Variants in MMD2 observed in about 807,000 individuals in gnomAD.
MMD2 encodes monocyte to macrophage differentiation factor 2.
Under a neutral mutation model 33.5 loss-of-function variants are expected in MMD2, and 30 were observed. The observed-to-expected ratio is 0.90, with a 90% CI of 0.67 to 1.22. The LOEUF is 1.22. Among genes scored for constraint, MMD2 ranks in the 50% most tolerant of loss-of-function variants. The pLI, the probability that MMD2 is intolerant of heterozygous loss-of-function variation, is 0.00. For synonymous variants in MMD2, 129 were observed against 123.0 expected (o/e 1.05, Z -0.32); for missense variants, 364 against 325.4 (o/e 1.12, Z -0.91).
intron 1 of MMD2, among the ~76,000 whole-genome samples, chr7:4,950,297 C>T (rs138249304): frequency 0.017 from 2,648 of 152,218 alleles, 84 homozygotes; most frequent in African/African-American, 0.06. Context: ...GGGGTTTCTC[C>T]ACGTTGGTCA....
At chr7:4,913,873 G>C (rs1404987652) in intron 4 of MMD2, among the ~76,000 whole-genome samples, 1 of 152,052 alleles carries the variant, frequency 6.6e-6, no homozygotes, top group African/African-American at 2.4e-5. Flanking sequence ...GTGTTAGCCA[G>C]GATGGTCTCG....
chr7:4,923,425 G>A (rs1785337398), intron 2 of MMD2, among the ~76,000 whole-genome samples: 1 of 152,048 alleles, frequency 6.6e-6, no homozygotes, highest in African/African-American at 2.4e-5. Context: ...TCTTTCCTCA[G>A]GAGTGTGCTG....
At chr7:4,924,361 A>G (rs1785368552) in intron 2 of MMD2, among the ~76,000 whole-genome samples, 1 of 152,220 alleles carries the variant, frequency 6.6e-6, no homozygotes, top group South Asian at 2.1e-4. Flanking sequence ...GGGGTCTAAC[A>G]GGTCAGGGCG....
Position 4,907,319 on chromosome 7 carries a change from C to G in MMD2, c.*77G>C, listed in dbSNP as rs374106098. On this transcript the variant is annotated 3_prime_UTR_variant, in exon 7 of 7. Coordinates refer to ENST00000401401, the MANE Select transcript of MMD2 (RefSeq NM_198403.4). Reference sequence around the variant, plus strand: ...CCAATAAAGGGAAGACAGGCCTTGGCGCTGTGCTCTGGGTTAACGTTCACA... The same window carrying G: ...CCAATAAAGGGAAGACAGGCCTTGGGGCTGTGCTCTGGGTTAACGTTCACA... The G allele has an allele frequency of 2.1e-6, 3 of 1,426,344 alleles. No individual in the cohort carries two copies. The highest frequency in any genetic ancestry group is 1.7e-5 in the Admixed American group (1 of 59,006). The allele number at this position is 1,426,344 out of a possible 1,614,324, so 88.4% of individuals were successfully genotyped here.
downstream of MMD2, among the ~76,000 whole-genome samples, chr7:4,904,254 C>T (rs184530140): frequency 3.9e-5 from 6 of 152,286 alleles, no homozygotes; most frequent in East Asian, 5.8e-4. Context: ...ACCACACACC[C>T]GGTGCGCAGC....
chr7:4,921,859 CT>C (rs1330809784), intron 2 of MMD2, among the ~76,000 whole-genome samples: 3 of 152,144 alleles, frequency 2.0e-5, no homozygotes, highest in Non-Finnish European at 4.4e-5. Flanking sequence ...ACATGTCCAT[CT>C]GCGTATGGCA....
chr7:4,904,047 C>T (rs569868658), downstream of MMD2, among the ~76,000 whole-genome samples: 2 of 152,284 alleles, frequency 1.3e-5, no homozygotes, highest in South Asian at 2.1e-4. Context: ...ATTCTCCTGC[C>T]TCAGCCTCCC....
chr7:4,895,848 T>A, the MMD2 span, among the ~76,000 whole-genome samples: 1 of 152,196 alleles, frequency 6.6e-6, no homozygotes, highest in South Asian at 2.1e-4. Context: ...CCAGGCATTC[T>A]GTATCATCAG....
intron 1 of MMD2, among the ~76,000 whole-genome samples, chr7:4,942,382 G>C (rs922789187): frequency 1.3e-5 from 2 of 151,510 alleles, no homozygotes; most frequent in African/African-American, 4.9e-5. Context: ...TTACAGGTGT[G>C]AGCCACCTGG....
At chr7:4,917,317 G>C (rs1250306224) in intron 3 of MMD2, among the ~76,000 whole-genome samples, 2 of 152,086 alleles carry the variant, frequency 1.3e-5, no homozygotes, top group Non-Finnish European at 2.9e-5. Context: ...GCTGTGGGGA[G>C]GATTAAATTA....
At chr7:4,933,340 T>A (rs1442526631) in intron 1 of MMD2, among the ~76,000 whole-genome samples, 1 of 152,154 alleles carries the variant, frequency 6.6e-6, no homozygotes, top group Non-Finnish European at 1.5e-5. Flanking sequence ...CCAGCCTGCA[T>A]GGGAGAGCAT....
Position 4,915,995 on chromosome 7 carries a change from C to T in MMD2, c.365+10G>A, listed in dbSNP as rs7800395. The T allele has an allele frequency of 6.5e-5, 105 of 1,612,900 alleles. No homozygotes were observed. In the African/African-American group the frequency reaches 1.2e-3, roughly 18 times the overall value. On this transcript the variant is annotated intron_variant, in intron 4 of 6. Transcript: ENST00000401401. ...GCCAAGGGTTTGCTGGGCGGCGGGA[C>T]GGTACTCACCAGGGTGCGTAGGAAG...
intron 1 of MMD2, among the ~76,000 whole-genome samples, chr7:4,956,425 TA>T (rs60993344): frequency 0.038 from 5,486 of 143,532 alleles, 276 homozygotes; most frequent in African/African-American, 0.12. Context: ...ATCCTATCTT[TA>T]AAAAAAAAAA....
chr7:4,910,062 G>T, intron 5 of MMD2, 112 bp from the exon 6 acceptor site: 1 of 1,609,268 alleles, frequency 6.2e-7, no homozygotes, highest in Non-Finnish European at 8.5e-7. Context: ...ACAGTGAGAA[G>T]AAAGGACGCT....
Position 4,920,209 on chromosome 7 carries a change from A to G in MMD2, c.252T>C (p.Thr84=). 2 of 1,574,374 alleles carry G rather than the reference A, an allele frequency of 1.3e-6. No homozygotes were observed. Among genetic ancestry groups the G allele is most frequent in the Non-Finnish European group, 1.7e-6 (2 of 1,160,520 alleles). The change falls in exon 3 of 7, where the codon ACT becomes ACC. Residue 84 remains threonine (T), a synonymous_variant. Coordinates refer to ENST00000401401, the MANE Select transcript of MMD2 (RefSeq NM_198403.4). ...LGLCGLFVVS[T]VFHTISWKKS... is the part of the protein sequence containing the mutation. ...TCTTCCAGGAGATGGTGTGAAACAC[A>G]GTGGACACCACGAAGAGGCCGCAGA... is the stretch of plus-strand genomic sequence containing the variant.
intron 1 of MMD2, among the ~76,000 whole-genome samples, chr7:4,930,717 T>C (rs1326398003): frequency 6.6e-6 from 1 of 151,496 alleles, no homozygotes; most frequent in Non-Finnish European, 1.5e-5. Context: ...ACGACAGCCA[T>C]GTGACGGTGG....
the MMD2 span, among the ~76,000 whole-genome samples, chr7:4,899,859 C>T: frequency 6.6e-6 from 1 of 152,158 alleles, no homozygotes; most frequent in African/African-American, 2.4e-5. Context: ...CCCATAAGGG[C>T]TGCTGGCCCC....
chr7:4,954,088 T>G (rs1012716881), intron 1 of MMD2, among the ~76,000 whole-genome samples: 2 of 152,094 alleles, frequency 1.3e-5, no homozygotes, highest in African/African-American at 4.8e-5. Flanking sequence ...CACCTCAGCC[T>G]CCCAAAGCAC....
chr7:4,904,642 G>C (rs538710782), downstream of MMD2, among the ~76,000 whole-genome samples: 3 of 152,318 alleles, frequency 2.0e-5, 1 homozygote, highest in East Asian at 3.9e-4. Context: ...GAGGAGAGCA[G>C]GTGGTGTTGT....
Sources: allele counts gnomAD v4.1 joint callset (sites outside exome capture counted in the v4.1 genomes callset), GRCh38; gene constraint gnomAD v4.1.1; transcripts MANE v1.5; gene names NCBI Gene and HGNC (gene_info 2026-07-23, HGNC 2026-07-21).